The following TMPRSS2 variants were observed in gnomAD, a reference collection of about 807,000 sequenced individuals.
TMPRSS2 encodes the protein transmembrane serine protease 2.
TMPRSS2 carries 59 observed loss-of-function variants against 67.4 expected under a neutral mutation model. That is an observed-to-expected ratio of 0.88 (90% CI 0.71 to 1.09). The LOEUF (loss-of-function observed/expected upper bound fraction) is 1.09, where lower values mean the gene tolerates loss of function less well. Ranked by LOEUF, TMPRSS2 falls within the 50% of genes least tolerant of loss-of-function variation. The probability of loss-of-function intolerance (pLI) is 0.00; values close to 1 mark genes in which losing one functional copy is unlikely to be tolerated. For missense variants in TMPRSS2, 668 were observed against 642.7 expected (o/e 1.04, Z -0.43); for synonymous variants, 257 against 257.0 (o/e 1.00, Z 0.00).
At position 41,480,634 on chromosome 21, in the gene TMPRSS2, CTTTCTTTTTT is replaced by C. The variant is rs1323976000; in HGVS notation, c.446-42_446-33del. ...GAGAGGGAGGATTATCCATGAGTTT[CTTTCTTTTTT>C]TTTCTTTTTTTTGAGACGGAGTCTC... On this transcript the variant is annotated intron_variant, in intron 5 of 13. Transcript: ENST00000332149. 7 of 1,611,824 alleles carry C rather than the reference CTTTCTTTTTT, an allele frequency of 4.3e-6. No individual in the cohort carries two copies. The African/African-American group carries it at 5.3e-5, about 12-fold the overall frequency.
In TMPRSS2 at chr21:41,494,583, A is replaced by G; in HGVS notation, c.16-5T>C. ...TCCAATAGCTGGTGGTGACCCCTAA[A>G]CAGTTGAAAAGAAGATGAATAATAT... On this transcript the variant is annotated splice_region_variant and splice_polypyrimidine_tract_variant and intron_variant, in intron 2 of 13. Transcript: ENST00000332149. 4 of 1,612,952 alleles carry G rather than the reference A, an allele frequency of 2.5e-6. No homozygotes were observed. Among genetic ancestry groups the G allele is most frequent in the Non-Finnish European group, 2.5e-6 (3 of 1,179,606 alleles).
chr21:41,494,614 T>C (rs779185207), intron 2 of TMPRSS2, 36 bp from the exon 3 acceptor site: 4 of 1,586,758 alleles, frequency 2.5e-6, no homozygotes, highest in East Asian at 2.2e-5. Flanking sequence ...AATATAAAAC[T>C]CTTATTTGCA....
chr21:41,481,326 G>A (rs1008411049), intron 5 of TMPRSS2, among the ~76,000 whole-genome samples: 6 of 152,138 alleles, frequency 3.9e-5, no homozygotes, highest in African/African-American at 1.4e-4. Context: ...GAAAGGAGCC[G>A]GACATACTGC....
At position 41,498,154 on chromosome 21, in the gene TMPRSS2, C is replaced by T. The variant is rs375223866; in HGVS notation, c.-21G>A. 6 of 1,612,794 alleles carry T rather than the reference C, an allele frequency of 3.7e-6. No individual in the cohort carries two copies. Among genetic ancestry groups the T allele is most frequent in the Middle Eastern group, 3.3e-4 (2 of 6,078 alleles). On this transcript the variant is annotated 5_prime_UTR_variant, in exon 2 of 14. Transcript: ENST00000332149. The stretch of plus-strand genomic sequence containing the variant: ...GCCATCTTGCTGTTATCAACAGCAT[C>T]GAGTAATGATAGGTATCTGGAATGT...
At chr21:41,496,829 C>CTTT (rs66730350) in intron 2 of TMPRSS2, among the ~76,000 whole-genome samples, 23 of 68,514 alleles carry the variant, frequency 3.4e-4, no homozygotes, top group Non-Finnish European at 4.7e-4. Flanking sequence ...TCTCTCTCTC[C>CTTT]TTTTTTTTTT....
rs2091471963 is a variant in TMPRSS2, at chr21:41,508,101, C to T, written c.-77G>A. Reference sequence around the variant, plus strand: ...CTCACCTGCCGCGCTCCAGGCGGCGCTCCCCGCCCCTCGCCCTCCGCCTCC... The same window carrying T: ...CTCACCTGCCGCGCTCCAGGCGGCGTTCCCCGCCCCTCGCCCTCCGCCTCC... On this transcript the variant is annotated 5_prime_UTR_variant, in exon 1 of 14. Coordinates refer to ENST00000332149, the MANE Select transcript of TMPRSS2 (RefSeq NM_005656.4). The T allele has an allele frequency of 8.5e-7, 1 of 1,178,780 alleles. No homozygotes were observed. The highest frequency in any genetic ancestry group is 1.1e-6 in the Non-Finnish European group (1 of 917,616). 73.0% of individuals were successfully genotyped at this position (1,178,780 alleles called of 1,614,324 possible).
At chr21:41,479,421 C>A in intron 6 of TMPRSS2, 139 bp from the exon 7 acceptor site, 1 of 644,690 alleles carries the variant, frequency 1.6e-6, no homozygotes, top group Non-Finnish European at 2.6e-6. Context: ...ATCACACGTT[C>A]TAACCAAGTG....
chr21:41,477,356 A>C (rs928077374), intron 7 of TMPRSS2, among the ~76,000 whole-genome samples: 11 of 152,216 alleles, frequency 7.2e-5, no homozygotes, highest in Admixed American at 2.0e-4. Context: ...CCTTGTGCTC[A>C]CAACCACAAA....
intron 8 of TMPRSS2, among the ~76,000 whole-genome samples, chr21:41,475,747 G>A (rs1338998747): frequency 1.4e-5 from 2 of 145,234 alleles, no homozygotes; most frequent in African/African-American, 2.6e-5. Flanking sequence ...GTGAGGGGGT[G>A]AGGGGTGAGT....
chr21:41,476,100 C>G (rs2091210377), intron 8 of TMPRSS2, among the ~76,000 whole-genome samples: 1 of 152,172 alleles, frequency 6.6e-6, no homozygotes, highest in Non-Finnish European at 1.5e-5. Flanking sequence ...GTCCAAAATT[C>G]AGGAGAGAAG....
Position 41,479,176 on chromosome 21 carries a change from G to T in TMPRSS2, c.679C>A (p.His227Asn). Residue 227 changes from histidine to asparagine, a missense_variant, in exon 7 of 14, where the codon CAC (histidine) becomes AAC (asparagine). Coordinates refer to ENST00000332149, the MANE Select transcript of TMPRSS2 (RefSeq NM_005656.4). The part of the protein sequence containing the change: ...GNVDIYKKLY[H>N]SDACSSKAVV... ...CAAGAAGAAATTGCTGCATACCTGT[G>T]GTACAGTTTTTTATAGATATCGACA... 6.2e-7 allele frequency: 1 copy of T among 1,612,514 alleles called. No homozygotes were observed. Among genetic ancestry groups the T allele is most frequent in the Non-Finnish European group, 8.5e-7 (1 of 1,178,928 alleles).
chr21:41,507,947 C>G, intron 1 of TMPRSS2, 134 bp downstream of exon 1: 1 of 1,482,854 alleles, frequency 6.7e-7, no homozygotes, highest in South Asian at 1.3e-5. Flanking sequence ...CGGGCGCACT[C>G]ACCTGCCGCG....
chr21:41,489,750 G>A (rs748100520), intron 3 of TMPRSS2, among the ~76,000 whole-genome samples, 157 bp from the exon 4 acceptor site: 23 of 152,154 alleles, frequency 1.5e-4, no homozygotes, highest in Non-Finnish European at 2.5e-4. Flanking sequence ...TATCATGGAC[G>A]ATCCTACTTC....
chr21:41,496,352 CTGCTATTAA>C (rs756282402), intron 2 of TMPRSS2, among the ~76,000 whole-genome samples: 3 of 152,236 alleles, frequency 2.0e-5, no homozygotes, highest in Non-Finnish European at 4.4e-5. Context: ...CACTCACCAT[CTGCTATTAA>C]TGGAAATTTG....
Position 41,473,368 on chromosome 21 carries a change from T to C in TMPRSS2, c.856A>G (p.Ile286Val), listed in dbSNP as rs1465076124. 3 of 1,609,536 alleles carry C rather than the reference T, an allele frequency of 1.9e-6. No individual in the cohort carries two copies. The highest frequency in any genetic ancestry group is 8.5e-7 in the Non-Finnish European group (1 of 1,179,116). Residue 286 changes from isoleucine (I) to valine (V), a missense_variant, in exon 9 of 14, where the codon ATC becomes GTC. Physicochemically the swap from Ile to Val is conservative, Grantham distance 29 (BLOSUM62 3). Transcript: ENST00000332149. ...QNVHVCGGSIITPEWIVTAAH... is the reference protein window; with the variant it reads ...QNVHVCGGSIVTPEWIVTAAH... ...GCTGTCACGATCCACTCGGGGGTGA[T>C]GATGGAGCCTCCGCACACGTGGACG... is the stretch of plus-strand genomic sequence containing the variant.
intron 12 of TMPRSS2, 58 bp downstream of exon 12, chr21:41,468,338 A>T: frequency 1.3e-6 from 2 of 1,599,984 alleles, no homozygotes; most frequent in Non-Finnish European, 8.5e-7. Context: ...CCTCTCTCTC[A>T]TGGGGGGTTC....
intron 1 of TMPRSS2, among the ~76,000 whole-genome samples, chr21:41,502,156 C>T (rs1601592322): frequency 6.6e-6 from 1 of 152,198 alleles, no homozygotes; most frequent in Non-Finnish European, 1.5e-5. Flanking sequence ...TGCAGCAGGA[C>T]GATGCTGTGG....
intron 4 of TMPRSS2, among the ~76,000 whole-genome samples, 188 bp downstream of exon 4, chr21:41,489,319 A>C (rs2091319379): frequency 6.6e-6 from 1 of 152,234 alleles, no homozygotes; most frequent in East Asian, 1.9e-4. Context: ...GGTACATTCT[A>C]AATGCTTTCC....
chr21:41,481,579 A>G (rs1461830118), intron 5 of TMPRSS2, among the ~76,000 whole-genome samples: 2 of 152,232 alleles, frequency 1.3e-5, no homozygotes, highest in African/African-American at 4.8e-5. Flanking sequence ...CATATTCGTG[A>G]ATATATAAAA....
Sources: gnomAD v4.1 joint callset for allele counts (sites outside exome capture counted in the v4.1 genomes callset) on GRCh38, gnomAD v4.1.1 for gene constraint, MANE v1.5 for transcripts, NCBI Gene and HGNC (gene_info 2026-07-23, HGNC 2026-07-21) for gene names.